AHNAK2: variants seen among roughly 807,000 people sequenced by gnomAD.
AHNAK2 encodes the protein AHNAK nucleoprotein 2.
In AHNAK2, 18 loss-of-function variants were observed where a neutral mutation model predicts 30.7. That is an observed-to-expected ratio of 0.59 (90% CI 0.41 to 0.87). The LOEUF is 0.87. AHNAK2 is among the 40% of genes least tolerant of loss of function. The pLI is 0.00. For synonymous variants in AHNAK2, 3,590 were observed against 3,073.8 expected (o/e 1.17, Z -5.56); for missense variants, 8,604 against 7,373.0 (o/e 1.17, Z -6.11).
At position 104,946,736 on chromosome 14, in the gene AHNAK2, C is replaced by A; in HGVS notation, c.8715G>T (p.Lys2905Asn). ...GGCCCTTGAGATCCACTTTGGGCATCTTGAAACTGGGCATCTGCACCTTGG... is the reference window on the plus strand; with the variant it reads ...GGCCCTTGAGATCCACTTTGGGCATATTGAAACTGGGCATCTGCACCTTGG... ...HLPKVQMPSF[K>N]MPKVDLKGPQ... The change falls in exon 7 of 7, where the codon AAG becomes AAT. Residue 2905 changes from lysine (K) to asparagine (N), a missense_variant. Coordinates refer to ENST00000333244, the MANE Select transcript of AHNAK2 (RefSeq NM_138420.4). The A allele has an allele frequency of 1.2e-6, 2 of 1,612,734 alleles. No homozygotes were observed. Among genetic ancestry groups the A allele is most frequent in the East Asian group, 2.2e-5 (1 of 44,766 alleles).
chr14:104,974,177 C>A (rs1303020914), intron 1 of AHNAK2, among the ~76,000 whole-genome samples: 1 of 152,254 alleles, frequency 6.6e-6, no homozygotes, highest in Non-Finnish European at 1.5e-5. Flanking sequence ...AAGCTCGCAG[C>A]GTGGCTGGGG....
At position 104,940,448 on chromosome 14, in the gene AHNAK2, G is replaced by A; in HGVS notation, c.15003C>T (p.Ile5001=). ...DKDEVAPQSA[I]HMDLPPERDG... ...CCCTCTCAGGAGGCAGATCCATGTG[G>A]ATGGCAGACTGCGGGGCCACTTCAT... Residue 5001 remains isoleucine, a synonymous_variant, in exon 7 of 7, where the codon ATC becomes ATT. Coordinates refer to ENST00000333244, the MANE Select transcript of AHNAK2 (RefSeq NM_138420.4). This position sits in a 1 kb window ranked among gnomAD's most constrained non-coding sequence, Gnocchi z 4.4. 1 of 1,613,874 alleles carries A rather than the reference G, an allele frequency of 6.2e-7. No homozygotes were observed. Among genetic ancestry groups the A allele is most frequent in the Non-Finnish European group, 8.5e-7 (1 of 1,179,898 alleles).
intron 4 of AHNAK2, 125 bp from the exon 5 acceptor site, chr14:104,955,758 A>C: frequency 7.7e-7 from 1 of 1,303,218 alleles, no homozygotes; most frequent in Non-Finnish European, 1.0e-6. Flanking sequence ...CAGACAACAC[A>C]GAGCAGAGTA....
chr14:104,942,002 C>T lies in AHNAK2; in HGVS notation c.13449G>A (p.Glu4483=). ...FGMLSPGKSI[E]VSVDVSAPKM... ...TTGGCGCAGACACATCCACCGAGACCTCGATGGACTTGCCTGGGGACAACA... is the reference window on the plus strand; with the variant it reads ...TTGGCGCAGACACATCCACCGAGACTTCGATGGACTTGCCTGGGGACAACA... Residue 4483 remains glutamate (E), a synonymous_variant, in exon 7 of 7, where the codon GAG becomes GAA. Coordinates refer to ENST00000333244, the MANE Select transcript of AHNAK2 (RefSeq NM_138420.4). 1 of 1,613,586 alleles carries T rather than the reference C, an allele frequency of 6.2e-7. No individual in the cohort carries two copies. Among genetic ancestry groups the T allele is most frequent in the East Asian group, 2.2e-5 (1 of 44,842 alleles).
In AHNAK2 at chr14:104,948,382, T is replaced by C. The variant is rs201313582; in HGVS notation, c.7069A>G (p.Met2357Val). The C allele has an allele frequency of 4.6e-4, 746 of 1,612,132 alleles. No individual in the cohort carries two copies. Among genetic ancestry groups the C allele is most frequent in the Non-Finnish European group, 5.7e-4 (673 of 1,179,468 alleles). ...KVEADVSLPS[M>V]QGDLKTTDLS... ...TCAGTGGTCTTGAGGTCCCCCTGCA[T>C]GGAGGGGAGGCTCACGTCGGCCTCC... The change falls in exon 7 of 7, where the codon ATG becomes GTG. Residue 2357 changes from methionine (M) to valine (V), a missense_variant. Coordinates refer to ENST00000333244, the MANE Select transcript of AHNAK2 (RefSeq NM_138420.4).
Position 104,952,491 on chromosome 14 carries a change from G to A in AHNAK2, c.2960C>T (p.Ala987Val). 5.6e-6 allele frequency: 9 copies of A among 1,612,730 alleles called. No homozygotes were observed. The highest frequency in any genetic ancestry group is 7.6e-6 in the Non-Finnish European group (9 of 1,179,622). Reference protein sequence around the residue: ...GAWLEGDLSLADKDVTAKDSK... With the variant: ...GAWLEGDLSLVDKDVTAKDSK... ...GTCTTTGGCAGTCACGTCCTTGTCGGCCAGGGACAGGTCCCCCTCCAGCCA... is the reference window on the plus strand; with the variant it reads ...GTCTTTGGCAGTCACGTCCTTGTCGACCAGGGACAGGTCCCCCTCCAGCCA... The change falls in exon 7 of 7, where the codon GCC (alanine) becomes GTC (valine). Residue 987 changes from alanine (A) to valine (V), a missense_variant. Coordinates refer to ENST00000333244, the MANE Select transcript of AHNAK2 (RefSeq NM_138420.4).
Position 104,941,999 on chromosome 14 carries a change from G to C in AHNAK2, c.13452C>G (p.Val4484=), listed in dbSNP as rs1898012612. The change falls in exon 7 of 7, where the codon GTC becomes GTG. Residue 4484 remains valine (V), a synonymous_variant. Transcript: ENST00000333244. ...GMLSPGKSIE[V]SVDVSAPKME... Reference sequence around the variant, plus strand: ...TCTTTGGCGCAGACACATCCACCGAGACCTCGATGGACTTGCCTGGGGACA... The same window carrying C: ...TCTTTGGCGCAGACACATCCACCGACACCTCGATGGACTTGCCTGGGGACA... 6.2e-7 allele frequency: 1 copy of C among 1,613,494 alleles called. No individual in the cohort carries two copies. The highest frequency in any genetic ancestry group is 8.5e-7 in the Non-Finnish European group (1 of 1,179,748).
Position 104,949,916 on chromosome 14 carries a change from C to G in AHNAK2, c.5535G>C (p.Ser1845=), listed in dbSNP as rs199771853. The G allele has an allele frequency of 4.5e-5, 72 of 1,588,690 alleles. 5 individuals are homozygous for G. The African/African-American group carries it at 7.1e-4, about 16-fold the overall frequency. The change falls in exon 7 of 7, where the codon TCG becomes TCC. Residue 1845 remains serine (S), a synonymous_variant. Transcript: ENST00000333244. ...VSAPGKSIEA[S]VDVSAPKVEA... ...CCACCTTCGGCGCAGACACATCCAC[C>G]GAGGCCTCGATGGACTTGCCTGGGG...
At chr14:104,961,714 C>T (rs977005976) in intron 1 of AHNAK2, among the ~76,000 whole-genome samples, 2 of 151,312 alleles carry the variant, frequency 1.3e-5, no homozygotes, top group African/African-American at 4.9e-5. Flanking sequence ...TGGCTTGTGC[C>T]GTAATCCCAG....
chr14:104,943,153 C>G lies in AHNAK2; in HGVS notation c.12298G>C (p.Glu4100Gln). ...PDVKMSLSSMEVDVQAPRAKL... is the reference protein window; with the variant it reads ...PDVKMSLSSMQVDVQAPRAKL... ...GCTCTCGGGGCCTGGACGTCCACCT[C>G]CATGCTGGACAGAGACATCTTCACA... Residue 4100 changes from glutamate (E) to glutamine (Q), a missense_variant, in exon 7 of 7, where the codon GAG becomes CAG. Coordinates refer to ENST00000333244, the MANE Select transcript of AHNAK2 (RefSeq NM_138420.4). 3 of 1,613,490 alleles carry G rather than the reference C, an allele frequency of 1.9e-6. No homozygotes were observed. The highest frequency in any genetic ancestry group is 1.7e-4 in the Middle Eastern group (1 of 6,060).
In AHNAK2 at chr14:104,946,612, C is replaced by T; in HGVS notation, c.8839G>A (p.Asp2947Asn). The T allele has an allele frequency of 6.2e-7, 1 of 1,612,932 alleles. No homozygotes were observed. Among genetic ancestry groups the T allele is most frequent in the Non-Finnish European group, 8.5e-7 (1 of 1,179,734 alleles). ...AGCTTTGCTCTCGGGGCCTCGACGTCCACCTCCACGCTGGGCAGAGACACC... is the reference window on the plus strand; with the variant it reads ...AGCTTTGCTCTCGGGGCCTCGACGTTCACCTCCACGCTGGGCAGAGACACC... Reference protein sequence around the residue: ...VEVSLPSVEVDVEAPRAKLDG... With the variant: ...VEVSLPSVEVNVEAPRAKLDG... Residue 2947 changes from aspartate to asparagine, a missense_variant, in exon 7 of 7, where the codon GAC becomes AAC. Transcript: ENST00000333244.
rs750173002 is a variant in AHNAK2 at position 104,954,152 on chromosome 14, C to G, written c.1299G>C (p.Val433=). ...GCTGGGCCCTGGGCTTCCTCTGGGC[C>G]ACTGCTGTCTCCTGTGCCTGCCCCT... is the stretch of plus-strand genomic sequence containing the variant. The part of the protein sequence containing the change: ...TLEGQAQETA[V]AQRKPRAQPT... The change falls in exon 7 of 7, where the codon GTG becomes GTC. Residue 433 remains valine (V), a synonymous_variant. Coordinates refer to ENST00000333244, the MANE Select transcript of AHNAK2 (RefSeq NM_138420.4). This position sits in a 1 kb window ranked among gnomAD's most constrained non-coding sequence, Gnocchi z 4.3. The G allele has an allele frequency of 6.2e-7, 1 of 1,610,628 alleles. No individual in the cohort carries two copies. Among genetic ancestry groups the G allele is most frequent in the East Asian group, 2.2e-5 (1 of 44,880 alleles).
In AHNAK2 at chr14:104,950,402, C is replaced by G; in HGVS notation, c.5049G>C (p.Val1683=). The G allele has an allele frequency of 6.3e-7, 1 of 1,587,176 alleles. No homozygotes were observed. The highest frequency in any genetic ancestry group is 8.6e-7 in the Non-Finnish European group (1 of 1,163,044). Residue 1683 remains valine (V), a synonymous_variant, in exon 7 of 7, where the codon GTG becomes GTC. Transcript: ENST00000333244. ...PGKSIEASVD[V]SEPKVEADVS... ...CATCAGCTTCCACCTTCGGCTCAGA[C>G]ACATCCACCGAGGCCTCGATGGACT...
chr14:104,947,676 T>C lies in AHNAK2; in HGVS notation c.7775A>G (p.Lys2592Arg), dbSNP rs371681161. 1.9e-6 allele frequency: 3 copies of C among 1,612,922 alleles called. No homozygotes were observed. The African/African-American group carries it at 4.0e-5, about 22-fold the overall frequency. Residue 2592 changes from lysine to arginine, a missense_variant, in exon 7 of 7, where the codon AAG becomes AGG. Physicochemically the swap from Lys to Arg is conservative, Grantham distance 26 (BLOSUM62 2). Coordinates refer to ENST00000333244, the MANE Select transcript of AHNAK2 (RefSeq NM_138420.4). ...CGCCTTGGGGCCTTTCAGGTCCAGC[T>C]TGGGGCCCTTGACATCTAGCTGGGG... is the stretch of plus-strand genomic sequence containing the variant. The part of the protein sequence containing the change: ...KGPQLDVKGP[K>R]LDLKGPKAEV...
chr14:104,949,649 G>A lies in AHNAK2; in HGVS notation c.5802C>T (p.Asp1934=), dbSNP rs374219885. ...TCACTTCCGCCTTGGGGCCTTTCAG[G>A]TCCAGCTTGGCGCCCTTAACATCTG... The part of the protein sequence containing the change: ...PQTDVKGAKL[D]LKGPKAEVTA... Residue 1934 remains aspartate (D), a synonymous_variant, in exon 7 of 7, where the codon GAC becomes GAT. Coordinates refer to ENST00000333244, the MANE Select transcript of AHNAK2 (RefSeq NM_138420.4). 4.4e-6 allele frequency: 7 copies of A among 1,588,074 alleles called. 1 individual carries two copies. Among genetic ancestry groups the A allele is most frequent in the African/African-American group, 1.4e-5 (1 of 72,936 alleles).
chr14:104,942,929 C>T lies in AHNAK2; in HGVS notation c.12522G>A (p.Gly4174=). The part of the protein sequence containing the change: ...KADVSLPSMQ[G]DLKTTDLSIQ... ...TGCTGAGGTCAGTGGTCTTGAGGTC[C>T]CCCTGCATGGAGGGGAGGCTCACGT... is the stretch of plus-strand genomic sequence containing the variant. Residue 4174 remains glycine (G), a synonymous_variant, in exon 7 of 7, where the codon GGG becomes GGA. Coordinates refer to ENST00000333244, the MANE Select transcript of AHNAK2 (RefSeq NM_138420.4). 6.2e-7 allele frequency: 1 copy of T among 1,613,284 alleles called. No individual in the cohort carries two copies. The highest frequency in any genetic ancestry group is 8.5e-7 in the Non-Finnish European group (1 of 1,179,622).
rs189907582 is a variant in AHNAK2, at chr14:104,957,185, A to G, written c.213+225T>C. On this transcript the variant is annotated intron_variant, in intron 3 of 6. Transcript: ENST00000333244. ...ATGAGGCCTGTCCCCATCAGCCCATACGCATGCTCACAAGAGCTGCAGGGC... is the reference window on the plus strand; with the variant it reads ...ATGAGGCCTGTCCCCATCAGCCCATGCGCATGCTCACAAGAGCTGCAGGGC... Among the ~76,000 whole-genome samples the G allele has an allele frequency of 5.0e-3, 762 of 152,304 alleles. 5 individuals carry two copies. Among genetic ancestry groups the G allele is most frequent in the African/African-American group, 0.017 (715 of 41,558 alleles).
chr14:104,968,089 G>A (rs1486549131), intron 1 of AHNAK2, among the ~76,000 whole-genome samples: 1 of 152,232 alleles, frequency 6.6e-6, no homozygotes, highest in African/African-American at 2.4e-5. Flanking sequence ...GGCCCAGCTG[G>A]TCAGGCCGTT....
chr14:104,974,613 T>C (rs1282247365), intron 1 of AHNAK2, among the ~76,000 whole-genome samples: 1 of 152,250 alleles, frequency 6.6e-6, no homozygotes, highest in Admixed American at 6.5e-5. Flanking sequence ...AAAATGGGAT[T>C]CACATTTGTT....
Sources: allele counts gnomAD v4.1 joint callset (sites outside exome capture counted in the v4.1 genomes callset), GRCh38; gene constraint gnomAD v4.1.1; non-coding constraint Gnocchi (gnomAD v3.1); transcripts MANE v1.5; gene names NCBI Gene and HGNC (gene_info 2026-07-23, HGNC 2026-07-21).